Variants in SOCS4 observed in about 807,000 individuals in gnomAD.
SOCS4 encodes suppressor of cytokine signaling 4, also known as SH2 domain containing SOCS box protein.
SOCS4 carries 20 observed loss-of-function variants against 34.1 expected under a neutral mutation model. The observed-to-expected ratio is 0.59, with a 90% CI of 0.41 to 0.85. The LOEUF is 0.85. Among genes scored for constraint, SOCS4 ranks in the 40% least tolerant of loss-of-function variants. The pLI, the probability that SOCS4 is intolerant of heterozygous loss-of-function variation, is 0.00. For missense variants in SOCS4, 479 were observed against 532.4 expected (o/e 0.90, Z 0.99); for synonymous variants, 180 against 186.4 (o/e 0.97, Z 0.28).
At position 55,043,167 on chromosome 14, in the gene SOCS4, G is replaced by C. The variant is rs2042635576; in HGVS notation, c.126G>C (p.Lys42Asn). The part of the protein sequence containing the change: ...WSGKKLSWSK[K>N]SESYSDAETV... ...GAAAGAAGTTATCTTGGTCAAAAAA[G>C]AGTGAGAGTTATTCAGATGCTGAGA... The change falls in exon 3 of 3, where the codon AAG becomes AAC. Residue 42 changes from lysine (K) to asparagine (N), a missense_variant. Transcript: ENST00000555846. 6.2e-7 allele frequency: 1 copy of C among 1,614,130 alleles called. No homozygotes were observed. The highest frequency in any genetic ancestry group is 1.3e-5 in the African/African-American group (1 of 74,942).
At chr14:55,032,771 A>C (rs1051492801) in intron 2 of SOCS4, among the ~76,000 whole-genome samples, 13 of 151,562 alleles carry the variant, frequency 8.6e-5, no homozygotes, top group African/African-American at 2.2e-4. Context: ...CCTTATTATT[A>C]TTCTACCTCA....
intron 1 of SOCS4, among the ~76,000 whole-genome samples, chr14:55,031,232 A>G (rs189576965): frequency 2.6e-5 from 4 of 152,280 alleles, no homozygotes; most frequent in Non-Finnish European, 4.4e-5. Flanking sequence ...GCCAGCTCGT[A>G]GTTTCTGCTT....
chr14:55,039,922 A>G (rs1378502664), intron 2 of SOCS4, among the ~76,000 whole-genome samples: 1 of 152,192 alleles, frequency 6.6e-6, no homozygotes, highest in Non-Finnish European at 1.5e-5. Flanking sequence ...AAAAGAACAC[A>G]GCTAGAGAGC....
At position 55,044,000 on chromosome 14, in the gene SOCS4, T is replaced by A; in HGVS notation, c.959T>A (p.Phe320Tyr). Residue 320 changes from phenylalanine to tyrosine, a missense_variant, in exon 3 of 3, where the codon TTC becomes TAC. Physicochemically the swap from Phe to Tyr is conservative, Grantham distance 22 (BLOSUM62 3). Transcript: ENST00000555846. ...GACTCAGCACAGGAAGACTATTTATTCTCTGTTAGTTTTAGACGCTATAGT... is the reference window on the plus strand; with the variant it reads ...GACTCAGCACAGGAAGACTATTTATACTCTGTTAGTTTTAGACGCTATAGT... ...LRDSAQEDYL[F>Y]SVSFRRYSRS... The A allele has an allele frequency of 6.2e-7, 1 of 1,614,150 alleles. No homozygotes were observed. The highest frequency in any genetic ancestry group is 1.1e-5 in the South Asian group (1 of 91,084).
chr14:55,028,090 C>A (rs961247745), intron 1 of SOCS4, among the ~76,000 whole-genome samples: 1 of 152,058 alleles, frequency 6.6e-6, no homozygotes, highest in African/African-American at 2.4e-5. Context: ...TTTGTGATAC[C>A]TTCCAGTATC....
In SOCS4 at chr14:55,047,160, T is replaced by C. The variant is rs2042684317; in HGVS notation, c.*2796T>C. 1 of 167,066 alleles carries C rather than the reference T, an allele frequency of 6.0e-6. No individual in the cohort carries two copies. The highest frequency in any genetic ancestry group is 2.4e-5 in the African/African-American group (1 of 41,440). 10.3% of individuals were successfully genotyped at this position (167,066 alleles called of 1,614,324 possible). A position where few individuals can be genotyped will look rare whatever the true frequency, so the allele number is the denominator to read the frequency against. On this transcript the variant is annotated 3_prime_UTR_variant, in exon 3 of 3. Coordinates refer to ENST00000555846, the MANE Select transcript of SOCS4 (RefSeq NM_199421.2). ...TGGAGCTAAGAGAAATAAGATCAAA[T>C]ATTAAAATTAGGAATTTAGGCATTA...
chr14:55,044,954 G>T lies in SOCS4; in HGVS notation c.*590G>T, dbSNP rs2140250850. 6.0e-6 allele frequency: 1 copy of T among 167,064 alleles called. No homozygotes were observed. The highest frequency in any genetic ancestry group is 1.9e-4 in the East Asian group (1 of 5,190). The allele number at this position is 167,064 out of a possible 1,614,324, so 10.3% of individuals were successfully genotyped here. On this transcript the variant is annotated 3_prime_UTR_variant, in exon 3 of 3. Coordinates refer to ENST00000555846, the MANE Select transcript of SOCS4 (RefSeq NM_199421.2). ...AAGTAACAAAACCAAGTCAAACTTG[G>T]TGTATTTTTATTTTAAATATTAACT... is the stretch of plus-strand genomic sequence containing the variant.
intron 1 of SOCS4, chr14:55,027,799 A>G (rs2042481408): frequency 6.6e-6 from 1 of 152,054 alleles, no homozygotes; most frequent in Non-Finnish European, 1.5e-5. Context: ...ATTCTTTGCG[A>G]CTCTATATAT....
chr14:55,042,205 A>G (rs1221255526), intron 2 of SOCS4, among the ~76,000 whole-genome samples: 1 of 152,222 alleles, frequency 6.6e-6, no homozygotes, highest in Non-Finnish European at 1.5e-5. Flanking sequence ...TGTTTTACCA[A>G]CTTCAGAGGA....
At chr14:55,042,349 CTAAT>C (rs2042628092) in intron 2 of SOCS4, among the ~76,000 whole-genome samples, 1 of 152,108 alleles carries the variant, frequency 6.6e-6, no homozygotes. Context: ...GTAAAGTTGA[CTAAT>C]TATTGAAGTG....
chr14:55,034,936 C>G (rs1381992666), intron 2 of SOCS4, among the ~76,000 whole-genome samples: 1 of 151,146 alleles, frequency 6.6e-6, no homozygotes, highest in Admixed American at 6.6e-5. Context: ...TCTTGGCTCA[C>G]TGCAACCGCC....
intron 2 of SOCS4, among the ~76,000 whole-genome samples, chr14:55,042,383 G>A (rs918544864): frequency 1.6e-4 from 25 of 152,260 alleles, no homozygotes; most frequent in African/African-American, 6.0e-4. Context: ...CACTGTATTG[G>A]GAATGCTTAC....
At chr14:55,033,563 A>G (rs748314076) in intron 2 of SOCS4, among the ~76,000 whole-genome samples, 1 of 152,246 alleles carries the variant, frequency 6.6e-6, no homozygotes, top group Non-Finnish European at 1.5e-5. Flanking sequence ...GAATGATTAA[A>G]TGTATGTGTT....
At position 55,043,216 on chromosome 14, in the gene SOCS4, G is replaced by T. The variant is rs148612388; in HGVS notation, c.175G>T (p.Glu59Ter). 1 of 1,614,096 alleles carries T rather than the reference G, an allele frequency of 6.2e-7. No homozygotes were observed. Among genetic ancestry groups the T allele is most frequent in the African/African-American group, 1.3e-5 (1 of 74,928 alleles). ...GACAGTGAATGGTATAGAGAAAACC[G>T]AAGTGTCTTTAAGGAACCAAGAAAG... ...AETVNGIEKT[E>*]VSLRNQERKH... The change falls in exon 3 of 3, where the codon GAA becomes TAA. Residue 59 changes from glutamate to a stop codon, truncating the protein, a stop_gained. Coordinates refer to ENST00000555846, the MANE Select transcript of SOCS4 (RefSeq NM_199421.2). LOFTEE classifies it high-confidence loss of function.
chr14:55,032,869 G>A (rs1034291465), intron 2 of SOCS4, among the ~76,000 whole-genome samples: 19 of 151,914 alleles, frequency 1.3e-4, no homozygotes, highest in Non-Finnish European at 8.8e-5. Context: ...TGCAAGGTCC[G>A]CCTCCTGGGT....
At chr14:55,032,149 A>T (rs1231129023) in intron 2 of SOCS4, among the ~76,000 whole-genome samples, 158 bp downstream of exon 2, 2 of 152,196 alleles carry the variant, frequency 1.3e-5, no homozygotes, top group Admixed American at 6.5e-5. Context: ...GTGGTGTTAG[A>T]TGTATGTCAG....
chr14:55,043,199 A>G lies in SOCS4; in HGVS notation c.158A>G (p.Asn53Ser). The change falls in exon 3 of 3, where the codon AAT (asparagine) becomes AGT (serine). Residue 53 changes from asparagine (N) to serine (S), a missense_variant. Transcript: ENST00000555846. ...AGTTATTCAGATGCTGAGACAGTGA[A>G]TGGTATAGAGAAAACCGAAGTGTCT... is the stretch of plus-strand genomic sequence containing the variant. ...SESYSDAETV[N>S]GIEKTEVSLR... The G allele has an allele frequency of 6.2e-7, 1 of 1,614,260 alleles. No individual in the cohort carries two copies. The highest frequency in any genetic ancestry group is 8.5e-7 in the Non-Finnish European group (1 of 1,180,050).
intron 2 of SOCS4, among the ~76,000 whole-genome samples, chr14:55,038,648 T>G (rs1226050389): frequency 6.6e-6 from 1 of 152,214 alleles, no homozygotes; most frequent in Non-Finnish European, 1.5e-5. Flanking sequence ...TGTCTGGTAT[T>G]TAAAGTCCTG....
intron 2 of SOCS4, among the ~76,000 whole-genome samples, chr14:55,037,175 C>T (rs532138852): frequency 7.3e-5 from 11 of 150,026 alleles, no homozygotes; most frequent in African/African-American, 2.7e-4. Flanking sequence ...GACAGAGTCT[C>T]ACTCTGTCGC....
Sources: allele counts gnomAD v4.1 joint callset (sites outside exome capture counted in the v4.1 genomes callset), GRCh38; gene constraint gnomAD v4.1.1; transcripts MANE v1.5; gene names NCBI Gene and HGNC (gene_info 2026-07-23, HGNC 2026-07-21).